The following GOSR1 variants were observed in gnomAD, a reference collection of about 807,000 sequenced individuals.
GOSR1 encodes the protein golgi SNAP receptor complex member 1.
GOSR1 carries 21 observed loss-of-function variants against 35.5 expected under a neutral mutation model. The ratio of observed to expected loss-of-function variants is 0.59; its 90% CI spans 0.42 to 0.85. The LOEUF is 0.85. Among genes scored for constraint, GOSR1 ranks in the 40% least tolerant of loss-of-function variants. The pLI is 0.00. For missense variants in GOSR1, 285 were observed against 309.6 expected, an observed-to-expected ratio of 0.92 and a Z score of 0.60; for synonymous variants, 94 against 106.6, an observed-to-expected ratio of 0.88 and a Z score of 0.73.
chr17:30,509,472 T>C (rs954162917), intron 6 of GOSR1, among the ~76,000 whole-genome samples: 63 of 152,224 alleles, frequency 4.1e-4, no homozygotes, highest in African/African-American at 1.5e-3. Context: ...GATTACCTAG[T>C]CCACTAATTT....
chr17:30,515,884 G>A (rs1457721874), intron 7 of GOSR1, among the ~76,000 whole-genome samples: 2 of 152,140 alleles, frequency 1.3e-5, no homozygotes, highest in Non-Finnish European at 2.9e-5. Context: ...GGGAAGATGG[G>A]ATTGTCAGCA....
intron 6 of GOSR1, among the ~76,000 whole-genome samples, chr17:30,508,683 T>G (rs1302758895): frequency 1.3e-5 from 2 of 152,234 alleles, no homozygotes; most frequent in Non-Finnish European, 2.9e-5. Context: ...TTATATCAAT[T>G]TTCTGCTTAG....
At position 30,524,319 on chromosome 17, in the gene GOSR1, TCTC is replaced by T. The variant is rs1298168618; in HGVS notation, c.*1945_*1947del. The stretch of plus-strand genomic sequence containing the variant: ...ATCTGTGCTATAGATTTCTACTCTG[TCTC>T]CTCAACTCTGTTGATATTTGGGGAA... On this transcript the variant is annotated 3_prime_UTR_variant, in exon 9 of 9. Coordinates refer to ENST00000451249, the MANE Select transcript of GOSR1 (RefSeq NM_001007025.2). 1.1e-4 allele frequency: 17 copies of T among 152,234 alleles called. No homozygotes were observed. Among genetic ancestry groups the T allele is most frequent in the African/African-American group, 4.1e-4 (17 of 41,458 alleles). 9.4% of individuals were successfully genotyped at this position (152,234 alleles called of 1,614,324 possible).
At chr17:30,511,795 T>A (rs1967623561) in intron 7 of GOSR1, among the ~76,000 whole-genome samples, 1 of 152,170 alleles carries the variant, frequency 6.6e-6, no homozygotes, top group Non-Finnish European at 1.5e-5. Flanking sequence ...CCTCCTAAAG[T>A]GCAGAGATTA....
Position 30,523,342 on chromosome 17 carries a change from GC to G in GOSR1, c.*966del, listed in dbSNP as rs1348658919. The G allele has an allele frequency of 5.5e-6, 1 of 181,314 alleles. No homozygotes were observed. Among genetic ancestry groups the G allele is most frequent in the East Asian group, 1.7e-4 (1 of 5,762 alleles). 11.2% of individuals were successfully genotyped at this position (181,314 alleles called of 1,614,324 possible). A position where few individuals can be genotyped will look rare whatever the true frequency, so the allele number is the denominator to read the frequency against. On this transcript the variant is annotated 3_prime_UTR_variant, in exon 9 of 9. Transcript: ENST00000451249. ...GGGATGTGAGGAGCTCCTCTGCCCG[GC>G]CGCGACCCCGTCTGGGAGGTGAGGA...
At chr17:30,508,231 T>C (rs1432822859) in intron 6 of GOSR1, among the ~76,000 whole-genome samples, 1 of 141,422 alleles carries the variant, frequency 7.1e-6, no homozygotes, top group East Asian at 2.3e-4. Flanking sequence ...GATTGTTTGC[T>C]CTTTTTTACT....
rs1270330826 is a variant in GOSR1, at chr17:30,525,554, A to G, written c.*3176A>G. ...CTTGATTGGTGGTTGTGTCTCGGTTAAAATTTATGGGACTTTGCTATGTAG... is the reference window on the plus strand; with the variant it reads ...CTTGATTGGTGGTTGTGTCTCGGTTGAAATTTATGGGACTTTGCTATGTAG... On this transcript the variant is annotated 3_prime_UTR_variant, in exon 9 of 9. Transcript: ENST00000451249. 6.6e-6 allele frequency: 1 copy of G among 152,152 alleles called. No homozygotes were observed. Among genetic ancestry groups the G allele is most frequent in the Non-Finnish European group, 1.5e-5 (1 of 68,030 alleles). 9.4% of individuals were successfully genotyped at this position (152,152 alleles called of 1,614,324 possible).
At position 30,520,002 on chromosome 17, in the gene GOSR1, C is replaced by T. The variant is rs372612232; in HGVS notation, c.603C>T (p.Ser201=). ...SQRGMLKSIH[S]KMNTLANRFP... is the part of the protein sequence containing the mutation. ...GAGGAATGTTGAAGTCAATTCACAG[C>T]AAAATGAACACTTTGGCCAGTATCC... Residue 201 remains serine (S), a synonymous_variant, in exon 8 of 9, where the codon AGC becomes AGT. Transcript: ENST00000451249. 300 of 1,604,022 alleles carry T rather than the reference C, an allele frequency of 1.9e-4. 2 individuals carry two copies. The East Asian group carries it at 4.0e-3, about 22-fold the overall frequency.
chr17:30,517,151 C>T (rs1163505982), intron 7 of GOSR1, among the ~76,000 whole-genome samples: 2 of 152,164 alleles, frequency 1.3e-5, no homozygotes, highest in African/African-American at 4.8e-5. Flanking sequence ...ATTTCTTAAT[C>T]ACTCAGGTGG....
chr17:30,486,134 G>C (rs1364273685), intron 4 of GOSR1, among the ~76,000 whole-genome samples: 1 of 151,626 alleles, frequency 6.6e-6, no homozygotes, highest in Non-Finnish European at 1.5e-5. Context: ...CATTCCCATT[G>C]TATGAAACAA....
chr17:30,481,901 G>A (rs571531596), intron 2 of GOSR1, among the ~76,000 whole-genome samples: 3 of 151,972 alleles, frequency 2.0e-5, no homozygotes, highest in Admixed American at 1.3e-4. Context: ...AGGTTGAGGC[G>A]GATGGATCAC....
intron 6 of GOSR1, among the ~76,000 whole-genome samples, chr17:30,504,559 T>C (rs1440175199): frequency 6.6e-6 from 1 of 152,220 alleles, no homozygotes; most frequent in Non-Finnish European, 1.5e-5. Context: ...TGAGACTTTA[T>C]TTGATTCATG....
chr17:30,504,401 T>A (rs775036889), intron 6 of GOSR1, among the ~76,000 whole-genome samples: 11 of 152,088 alleles, frequency 7.2e-5, no homozygotes, highest in Non-Finnish European at 1.2e-4. Flanking sequence ...GCTGTAAAAT[T>A]ACTGTAATTT....
chr17:30,478,495 G>A (rs1914098456), intron 1 of GOSR1: 2 of 151,666 alleles, frequency 1.3e-5, no homozygotes, highest in African/African-American at 4.8e-5. Flanking sequence ...ACAGAAAAGC[G>A]TGCTTATAGT....
chr17:30,485,008 G>C, intron 4 of GOSR1: 1 of 512,178 alleles, frequency 2.0e-6, no homozygotes, highest in South Asian at 1.9e-5. Flanking sequence ...TTCATCACTG[G>C]GTACATATAC....
At chr17:30,502,266 A>G (rs1323884508) in intron 6 of GOSR1, among the ~76,000 whole-genome samples, 2 of 152,238 alleles carry the variant, frequency 1.3e-5, no homozygotes, top group South Asian at 4.1e-4. Context: ...TCTGTATGAT[A>G]CTGCAAGGAT....
chr17:30,511,913 C>CATTAGATAG (rs1171223237), intron 7 of GOSR1, among the ~76,000 whole-genome samples: 1 of 152,056 alleles, frequency 6.6e-6, no homozygotes. Context: ...CTCAATAACC[C>CATTAGATAG]ATTAGATAGA....
rs1677977782 is a variant in GOSR1 at position 30,522,568 on chromosome 17, TC to T, written c.*191del. 2.3e-6 allele frequency: 1 copy of T among 434,018 alleles called. No individual in the cohort carries two copies. The highest frequency in any genetic ancestry group is 3.8e-5 in the Admixed American group (1 of 26,446). The allele number at this position is 434,018 out of a possible 1,614,324, so 26.9% of individuals were successfully genotyped here. A position where few individuals can be genotyped will look rare whatever the true frequency, so the allele number is the denominator to read the frequency against. ...GCCACAGTTTCTCTGTGCTGTGTTT[TC>T]TAACACATTTTTCTGTTTTTAATTA... On this transcript the variant is annotated 3_prime_UTR_variant, in exon 9 of 9. Coordinates refer to ENST00000451249, the MANE Select transcript of GOSR1 (RefSeq NM_001007025.2).
intron 7 of GOSR1, among the ~76,000 whole-genome samples, chr17:30,512,844 C>T (rs1002673541): frequency 2.0e-5 from 3 of 152,152 alleles, no homozygotes; most frequent in African/African-American, 2.4e-5. Context: ...GCTTTCACTT[C>T]AGAACTGGCC....
Sources: gnomAD v4.1 joint callset for allele counts (sites outside exome capture counted in the v4.1 genomes callset) on GRCh38, gnomAD v4.1.1 for gene constraint, MANE v1.5 for transcripts, NCBI Gene and HGNC (gene_info 2026-07-23, HGNC 2026-07-21) for gene names.